Variants in CYP11A1 observed in about 807,000 individuals in gnomAD.
The protein encoded by CYP11A1 is cholesterol side-chain cleavage enzyme, mitochondrial.
In CYP11A1, 25 loss-of-function variants were observed where a neutral mutation model predicts 51.9. That is an observed-to-expected ratio of 0.48 (90% CI 0.35 to 0.67). The LOEUF (loss-of-function observed/expected upper bound fraction) is 0.67. Among genes scored for constraint, CYP11A1 ranks in the 30% least tolerant of loss-of-function variants. The pLI is 0.00. For synonymous variants in CYP11A1, 245 were observed against 262.1 expected (o/e 0.93, Z 0.63); for missense variants, 578 against 680.9 (o/e 0.85, Z 1.68).
At chr15:74,354,177 A>G (rs144861605) in intron 1 of CYP11A1, among the ~76,000 whole-genome samples, 2,648 of 152,328 alleles carry the variant, frequency 0.017, 69 homozygotes, top group African/African-American at 0.061. Context: ...AAGCCGTCAT[A>G]TCCCCTGTGA....
At chr15:74,338,534 C>A in intron 8 of CYP11A1, 37 bp downstream of exon 8, 1 of 1,605,170 alleles carries the variant, frequency 6.2e-7, no homozygotes, top group Non-Finnish European at 8.5e-7. Flanking sequence ...GGGCCAGGGC[C>A]AGCCCAGGGT....
chr15:74,338,364 C>T (rs1474104952), intron 8 of CYP11A1: 2 of 713,996 alleles, frequency 2.8e-6, no homozygotes, highest in Non-Finnish European at 4.9e-6. Context: ...AATGGATGGC[C>T]AGGGGCATCA....
intron 1 of CYP11A1, among the ~76,000 whole-genome samples, chr15:74,364,820 G>C (rs12899286): frequency 6.6e-6 from 1 of 152,178 alleles, no homozygotes; most frequent in African/African-American, 2.4e-5. Context: ...AATAGGCCTA[G>C]GAGAGAGGGG....
intron 1 of CYP11A1, among the ~76,000 whole-genome samples, chr15:74,352,884 T>C (rs893632560): frequency 2.6e-5 from 4 of 152,238 alleles, no homozygotes; most frequent in African/African-American, 9.6e-5. Context: ...GTAAACTTTT[T>C]GTGTAAATTA....
At chr15:74,360,316 T>C (rs1464819997) in intron 1 of CYP11A1, among the ~76,000 whole-genome samples, 1 of 152,052 alleles carries the variant, frequency 6.6e-6, no homozygotes, top group Admixed American at 6.5e-5. Context: ...AGTCTCACTC[T>C]GTCCCCCAGG....
intron 1 of CYP11A1, chr15:74,356,285 C>A (rs1405948847): frequency 6.6e-6 from 1 of 152,268 alleles, no homozygotes; most frequent in African/African-American, 2.4e-5. Context: ...CTGTGCAGGA[C>A]CCCACTGGAA....
At position 74,347,897 on chromosome 15, in the gene CYP11A1, C is replaced by T; in HGVS notation, c.425+3G>A. On this transcript the variant is annotated splice_donor_region_variant and intron_variant, in intron 2 of 8. Coordinates refer to ENST00000268053, the MANE Select transcript of CYP11A1 (RefSeq NM_000781.3). ...AGTCCCTGGGAGATGGCCCAGGACT[C>T]ACTTCAACAGGACTCCTATGGGTCT... The T allele has an allele frequency of 6.2e-7, 1 of 1,614,130 alleles. No individual in the cohort carries two copies. The highest frequency in any genetic ancestry group is 8.5e-7 in the Non-Finnish European group (1 of 1,179,992).
intron 1 of CYP11A1, among the ~76,000 whole-genome samples, chr15:74,360,319 C>T (rs572326047): frequency 1.2e-3 from 181 of 152,038 alleles, no homozygotes; most frequent in African/African-American, 4.2e-3. Context: ...CTCACTCTGT[C>T]CCCCAGGCTG....
At position 74,344,232 on chromosome 15, in the gene CYP11A1, G is replaced by T. The variant is rs531910362; in HGVS notation, c.626-240C>A. ...GAGGGGCATGTGGAGGACCTGAAAGGTGGGAAGCAGGGTCTCCAGCAGAGC... is the reference window on the plus strand; with the variant it reads ...GAGGGGCATGTGGAGGACCTGAAAGTTGGGAAGCAGGGTCTCCAGCAGAGC... On this transcript the variant is annotated intron_variant, in intron 3 of 8. Coordinates refer to ENST00000268053, the MANE Select transcript of CYP11A1 (RefSeq NM_000781.3). 2.6e-3 allele frequency among the ~76,000 whole-genome samples: 401 copies of T among 152,322 alleles called. 1 individual carries two copies. The highest frequency in any genetic ancestry group is 4.4e-3 in the Non-Finnish European group (300 of 68,036).
At position 74,345,752 on chromosome 15, in the gene CYP11A1, TG is replaced by T. The variant is rs2060629929; in HGVS notation, c.426-510del. On this transcript the variant is annotated intron_variant, in intron 2 of 8. Coordinates refer to ENST00000268053, the MANE Select transcript of CYP11A1 (RefSeq NM_000781.3). The surrounding 1 kb of genome is among the most constrained non-coding windows in gnomAD (Gnocchi z 4.3). ...TCGGGGGACCTCAGGTGCCCCGAAC[TG>T]GGTTGGTCATAATAAACCTTAATTC... Among the ~76,000 whole-genome samples the T allele has an allele frequency of 6.6e-6, 1 of 152,212 alleles. No homozygotes were observed. Among genetic ancestry groups the T allele is most frequent in the South Asian group, 2.1e-4 (1 of 4,834 alleles).
rs776702152 is a variant in CYP11A1 at position 74,343,194 on chromosome 15, AG to A, written c.830-58del. 1.5e-3 allele frequency: 2,309 copies of A among 1,591,334 alleles called. 4 individuals are homozygous for A. The highest frequency in any genetic ancestry group is 2.7e-3 in the Admixed American group (164 of 59,966). The stretch of plus-strand genomic sequence containing the variant: ...GGTTCCCTGCAGGCGGGTGGGAAGG[AG>A]GGCAGTCTGTGGTGAAAGGTGGCAC... On this transcript the variant is annotated intron_variant, in intron 4 of 8. Coordinates refer to ENST00000268053, the MANE Select transcript of CYP11A1 (RefSeq NM_000781.3).
chr15:74,367,572 C>G lies in CYP11A1; in HGVS notation c.14G>C (p.Gly5Ala). The change falls in exon 1 of 9, where the codon GGT becomes GCT. Residue 5 changes from glycine to alanine, a missense_variant. By Grantham distance (60) the Gly-to-Ala change is moderately conservative. Coordinates refer to ENST00000268053, the MANE Select transcript of CYP11A1 (RefSeq NM_000781.3). ...GACCAGGACTGAGCGTGGGGGAAGA[C>G]CCTTGGCCAGCATGCTGTCCCCACA... MLAK[G>A]LPPRSVLVKG... is the part of the protein sequence containing the mutation. 3 of 1,613,862 alleles carry G rather than the reference C, an allele frequency of 1.9e-6. No homozygotes were observed. Among genetic ancestry groups the G allele is most frequent in the Non-Finnish European group, 2.5e-6 (3 of 1,179,982 alleles).
chr15:74,347,867 C>A (rs2060639255), intron 2 of CYP11A1, 33 bp downstream of exon 2: 1 of 1,612,138 alleles, frequency 6.2e-7, no homozygotes, highest in African/African-American at 1.3e-5. Flanking sequence ...CCACCACCTC[C>A]CTCCAGTCCC....
At chr15:74,342,876 G>A in intron 5 of CYP11A1, 101 bp downstream of exon 5, 1 of 1,217,678 alleles carries the variant, frequency 8.2e-7, no homozygotes, top group Non-Finnish European at 1.2e-6. Flanking sequence ...ACATGAGTAG[G>A]AACGCCTTGA....
At chr15:74,338,290 T>C (rs2060588809) in intron 8 of CYP11A1, 187 bp from the exon 9 acceptor site, 2 of 745,204 alleles carry the variant, frequency 2.7e-6, no homozygotes, top group Non-Finnish European at 2.3e-6. Flanking sequence ...TTTCCTTGAT[T>C]TAGGCCTAGA....
intron 6 of CYP11A1, 102 bp downstream of exon 6, chr15:74,339,484 CA>C (rs944254592): frequency 6.6e-7 from 1 of 1,515,526 alleles, no homozygotes; most frequent in African/African-American, 1.4e-5. Flanking sequence ...TTCCTGCTTC[CA>C]ACCTCCTCCA....
At chr15:74,347,528 C>T (rs901297380) in intron 2 of CYP11A1, among the ~76,000 whole-genome samples, 1 of 152,328 alleles carries the variant, frequency 6.6e-6, no homozygotes, top group Non-Finnish European at 1.5e-5. Flanking sequence ...ATGGGACTCA[C>T]GGTGGCAGGT....
intron 1 of CYP11A1, chr15:74,366,122 G>T: frequency 3.0e-6 from 3 of 985,602 alleles, no homozygotes; most frequent in Non-Finnish European, 1.2e-6. Flanking sequence ...GCAGGAGCAG[G>T]CCGGGGGCCA....
At position 74,367,326 on chromosome 15, in the gene CYP11A1, G is replaced by A. The variant is rs775402564; in HGVS notation, c.260C>T (p.Pro87Leu). The change falls in exon 1 of 9, where the codon CCG becomes CTG. Residue 87 changes from proline to leucine, a missense_variant. Pro to Leu is a moderately conservative substitution (Grantham distance 98). Transcript: ENST00000268053. ...HHVQNFQKYG[P>L]IYREKLGNVE... ...CCTCTGCCAGGCTTACCTGTAAATC[G>A]GGCCATACTTCTGGAAATTCTGGAC... is the stretch of plus-strand genomic sequence containing the variant. 3 of 1,613,984 alleles carry A rather than the reference G, an allele frequency of 1.9e-6. No homozygotes were observed. The highest frequency in any genetic ancestry group is 1.3e-5 in the African/African-American group (1 of 74,884).
Sources: gnomAD v4.1 joint callset for allele counts (sites outside exome capture counted in the v4.1 genomes callset) on GRCh38, gnomAD v4.1.1 for gene constraint, Gnocchi (gnomAD v3.1) non-coding constraint, MANE v1.5 for transcripts, NCBI Gene and HGNC (gene_info 2026-07-23, HGNC 2026-07-21) for gene names.